The following VAV3 variants were observed in gnomAD, a reference collection of about 807,000 sequenced individuals.
VAV3 encodes the protein guanine nucleotide exchange factor VAV3.
A neutral mutation model predicts 131.2 loss-of-function variants in VAV3; 94 were observed. That is an observed-to-expected ratio of 0.72 (90% CI 0.61 to 0.85). The LOEUF (loss-of-function observed/expected upper bound fraction) is 0.85, where lower values mean the gene tolerates loss of function less well. Ranked by LOEUF, VAV3 falls within the 40% of genes least tolerant of loss-of-function variation. The pLI is 0.00. For missense variants in VAV3, 939 were observed against 1,002.7 expected (o/e 0.94, Z 0.86); for synonymous variants, 349 against 342.0 (o/e 1.02, Z -0.22).
chr1:107,951,119 A>G (rs1368148213), intron 1 of VAV3, among the ~76,000 whole-genome samples: 3 of 152,188 alleles, frequency 2.0e-5, no homozygotes, highest in Admixed American at 6.5e-5. Context: ...CATCGTTCAG[A>G]ATAGATTTTT....
chr1:107,875,466 T>C (rs1326826757), intron 1 of VAV3, among the ~76,000 whole-genome samples: 1 of 151,940 alleles, frequency 6.6e-6, no homozygotes, highest in Non-Finnish European at 1.5e-5. Context: ...GAGCAAGCCA[T>C]GGAGAACCGT....
chr1:107,579,678 C>T (rs538307944), intron 25 of VAV3, among the ~76,000 whole-genome samples: 1 of 152,296 alleles, frequency 6.6e-6, no homozygotes, highest in Admixed American at 6.5e-5. Context: ...TAAATACTGC[C>T]TCACAGCAGC....
At chr1:107,684,893 ACT>A (rs1227413145) in intron 18 of VAV3, among the ~76,000 whole-genome samples, 1 of 152,170 alleles carries the variant, frequency 6.6e-6, no homozygotes, top group Non-Finnish European at 1.5e-5. Context: ...ATTTAGAGGA[ACT>A]CTATATAAAC....
chr1:107,604,562 G>C (rs1409862680), intron 22 of VAV3, among the ~76,000 whole-genome samples: 1 of 152,044 alleles, frequency 6.6e-6, no homozygotes, highest in East Asian at 1.9e-4. Flanking sequence ...TCTTCTCACA[G>C]ACTGCACTCT....
intron 2 of VAV3, among the ~76,000 whole-genome samples, chr1:107,822,664 AT>A (rs1292107217): frequency 0.015 from 747 of 48,250 alleles, 7 homozygotes; most frequent in African/African-American, 0.066. Flanking sequence ...AAAAAAATAA[AT>A]AAATAAATAA....
At chr1:107,859,703 C>T (rs1398095912) in intron 2 of VAV3, among the ~76,000 whole-genome samples, 2 of 152,076 alleles carry the variant, frequency 1.3e-5, no homozygotes, top group Non-Finnish European at 2.9e-5. Flanking sequence ...TGATAATCAC[C>T]TTTGGTAGAT....
intron 2 of VAV3, among the ~76,000 whole-genome samples, chr1:107,832,197 T>C (rs1668283310): frequency 1.3e-5 from 2 of 152,202 alleles, no homozygotes; most frequent in African/African-American, 4.8e-5. Context: ...CAGGGAAACG[T>C]TGCTAATGAT....
intron 25 of VAV3, among the ~76,000 whole-genome samples, chr1:107,580,730 A>G (rs1649981777): frequency 6.6e-6 from 1 of 152,238 alleles, no homozygotes; most frequent in Admixed American, 6.5e-5. Flanking sequence ...AGAGTAAAAG[A>G]TAACATGTTT....
intron 21 of VAV3, among the ~76,000 whole-genome samples, chr1:107,616,581 C>T (rs1047422956): frequency 3.9e-5 from 6 of 152,074 alleles, no homozygotes; most frequent in South Asian, 2.1e-4. Flanking sequence ...TACCCCTAAA[C>T]CTAAAATAAA....
At chr1:107,963,802 T>A (rs565722852) in intron 1 of VAV3, among the ~76,000 whole-genome samples, 1 of 152,264 alleles carries the variant, frequency 6.6e-6, no homozygotes, top group Admixed American at 6.5e-5. Context: ...GAGTTTAACA[T>A]CCTTCTGTAC....
In VAV3 at chr1:107,844,282, C is replaced by T. The variant is rs114939073; in HGVS notation, c.321+30619G>A. 7.5e-3 allele frequency among the ~76,000 whole-genome samples: 1,135 copies of T among 152,234 alleles called. 14 individuals carry two copies. Among genetic ancestry groups the T allele is most frequent in the African/African-American group, 0.017 (688 of 41,540 alleles). On this transcript the variant is annotated intron_variant, in intron 2 of 26. Coordinates refer to ENST00000370056, the MANE Select transcript of VAV3 (RefSeq NM_006113.5). ...ACTGTGCCACGAGGGACGGTGCTAT[C>T]CGGCCCAGATACTATGTTTTTCCCA...
rs72977673 is a variant in VAV3, at chr1:107,706,761, A to G, written c.1503-1700T>C. 5.6e-3 allele frequency among the ~76,000 whole-genome samples: 846 copies of G among 152,354 alleles called. 9 individuals are homozygous for G. The highest frequency in any genetic ancestry group is 0.018 in the African/African-American group (746 of 41,584). ...TTCTGAGCATCAAGGTGATAGGGTC[A>G]TAGATGATTTGTCAAATAAGTTTGA... On this transcript the variant is annotated intron_variant, in intron 15 of 26. Coordinates refer to ENST00000370056, the MANE Select transcript of VAV3 (RefSeq NM_006113.5).
intron 1 of VAV3, among the ~76,000 whole-genome samples, chr1:107,883,773 T>C (rs1480364806): frequency 1.5e-4 from 23 of 152,200 alleles, no homozygotes; most frequent in Non-Finnish European, 1.0e-4. Flanking sequence ...AGCCCTCTGC[T>C]GCTTTCAACA....
chr1:107,597,381 G>C (rs951400922), intron 24 of VAV3, among the ~76,000 whole-genome samples: 1 of 152,120 alleles, frequency 6.6e-6, no homozygotes, highest in African/African-American at 2.4e-5. Context: ...AATCATCAAT[G>C]ATTTATTATT....
intron 2 of VAV3, among the ~76,000 whole-genome samples, chr1:107,814,679 T>G (rs1667487077): frequency 6.6e-6 from 1 of 152,236 alleles, no homozygotes; most frequent in African/African-American, 2.4e-5. Context: ...GCTTCTGATG[T>G]CTTAGCCATA....
intron 13 of VAV3, among the ~76,000 whole-genome samples, chr1:107,750,447 A>G (rs1315524970): frequency 6.6e-6 from 1 of 152,340 alleles, no homozygotes; most frequent in East Asian, 1.9e-4. Context: ...TTTATACACA[A>G]TGATAATGAC....
intron 2 of VAV3, among the ~76,000 whole-genome samples, chr1:107,824,645 C>T (rs1667938412): frequency 6.6e-6 from 1 of 152,116 alleles, no homozygotes; most frequent in Non-Finnish European, 1.5e-5. Flanking sequence ...TTTATGTATG[C>T]AGCATTTTCA....
chr1:107,629,084 A>G (rs977113446), intron 20 of VAV3, among the ~76,000 whole-genome samples: 2 of 152,180 alleles, frequency 1.3e-5, no homozygotes, highest in African/African-American at 4.8e-5. Context: ...TTTGGTTCCA[A>G]TTAGCTTACA....
intron 2 of VAV3, among the ~76,000 whole-genome samples, chr1:107,818,340 G>A (rs892476502): frequency 1.3e-5 from 2 of 151,810 alleles, no homozygotes; most frequent in Non-Finnish European, 2.9e-5. Flanking sequence ...TTCTCTATAC[G>A]TTTAGTGGAA....
Sources: gnomAD v4.1 joint callset for allele counts (sites outside exome capture counted in the v4.1 genomes callset) on GRCh38, gnomAD v4.1.1 for gene constraint, MANE v1.5 for transcripts, NCBI Gene and HGNC (gene_info 2026-07-23, HGNC 2026-07-21) for gene names.